ZC3H18: variants seen among roughly 807,000 people sequenced by gnomAD.
The protein encoded by ZC3H18 is zinc finger CCCH-type containing 18.
ZC3H18 carries 8 observed loss-of-function variants against 106.1 expected under a neutral mutation model. That is an observed-to-expected ratio of 0.08 (90% confidence interval 0.04 to 0.14). ZC3H18 has a LOEUF of 0.14. Ranked by LOEUF, ZC3H18 falls within the 10% of genes least tolerant of loss-of-function variation. The probability of loss-of-function intolerance (pLI) is 1.00; values close to 1 mark genes in which losing one functional copy is unlikely to be tolerated. For synonymous variants in ZC3H18, 635 were observed against 522.1 expected (o/e 1.22, Z -2.95); for missense variants, 1,318 against 1,278.4 (o/e 1.03, Z -0.47).
intron 17 of ZC3H18, 82 bp downstream of exon 17, chr16:88,630,663 G>A: frequency 8.1e-7 from 1 of 1,237,026 alleles, no homozygotes; most frequent in Non-Finnish European, 1.1e-6. Context: ...GCAGCAGCAG[G>A]GCTAGCACTG....
intron 6 of ZC3H18, among the ~76,000 whole-genome samples, chr16:88,606,894 C>T (rs1905034068): frequency 6.6e-6 from 1 of 152,168 alleles, no homozygotes; most frequent in South Asian, 2.1e-4. Context: ...GCTGGAGCCA[C>T]CTCAAGCCAT....
intron 4 of ZC3H18, 58 bp downstream of exon 4, chr16:88,598,384 T>C: frequency 6.4e-7 from 1 of 1,553,800 alleles, no homozygotes; most frequent in Non-Finnish European, 8.7e-7. Flanking sequence ...TGTGTCTGAA[T>C]CTCAAGCTTA....
chr16:88,615,224 C>T (rs1567594334), intron 8 of ZC3H18, among the ~76,000 whole-genome samples: 2 of 152,000 alleles, frequency 1.3e-5, no homozygotes, highest in South Asian at 4.2e-4. Flanking sequence ...CAGGCTGCCC[C>T]CACCTCCTCC....
At chr16:88,612,440 G>C (rs1445925650) in intron 8 of ZC3H18, among the ~76,000 whole-genome samples, 2 of 151,526 alleles carry the variant, frequency 1.3e-5, no homozygotes, top group African/African-American at 4.9e-5. Flanking sequence ...GAGGCAGGTG[G>C]ATTGCTTGAA....
chr16:88,573,831 G>T (rs186037775), intron 1 of ZC3H18, among the ~76,000 whole-genome samples: 1 of 151,924 alleles, frequency 6.6e-6, no homozygotes, highest in Non-Finnish European at 1.5e-5. Flanking sequence ...AAGTGACTTG[G>T]AATGGATTGG....
intron 6 of ZC3H18, among the ~76,000 whole-genome samples, chr16:88,601,059 C>T (rs374768661): frequency 1.3e-5 from 2 of 152,212 alleles, no homozygotes; most frequent in East Asian, 3.9e-4. Context: ...CCTGCAAGGC[C>T]CTTCTCAAGG....
chr16:88,629,201 G>A (rs1049953065), intron 16 of ZC3H18, among the ~76,000 whole-genome samples: 4 of 152,154 alleles, frequency 2.6e-5, no homozygotes, highest in Non-Finnish European at 4.4e-5. Context: ...TAGGCCGGGC[G>A]CGGTAGCTCA....
rs897617194 is a variant in ZC3H18 at position 88,630,353 on chromosome 16, C to A, written c.2567-132C>A. 4.0e-5 allele frequency: 26 copies of A among 649,320 alleles called. 1 individual carries two copies. The South Asian group carries it at 4.6e-4, about 11-fold the overall frequency. The allele number at this position is 649,320 out of a possible 1,614,324, so 40.2% of individuals were successfully genotyped here. A position where few individuals can be genotyped will look rare whatever the true frequency, so the allele number is the denominator to read the frequency against. The stretch of plus-strand genomic sequence containing the variant: ...CTACTTGGCTCTCCCCTTTTTATTT[C>A]TTTATAAAAATGAAGGTGGTGAACT... On this transcript the variant is annotated intron_variant, in intron 16 of 17. Coordinates refer to ENST00000301011, the MANE Select transcript of ZC3H18 (RefSeq NM_144604.4).
chr16:88,623,216 C>T lies in ZC3H18; in HGVS notation c.1668-3C>T, dbSNP rs1370527158. The T allele has an allele frequency of 1.9e-6, 3 of 1,612,340 alleles. No individual in the cohort carries two copies. Among genetic ancestry groups the T allele is most frequent in the East Asian group, 2.2e-5 (1 of 44,874 alleles). The stretch of plus-strand genomic sequence containing the variant: ...TCGCCACGCTCCGTCCCGCCCGCCC[C>T]AGGTCGTCTTCGCGGTCATCGTCCT... On this transcript the variant is annotated splice_region_variant and splice_polypyrimidine_tract_variant and intron_variant, in intron 9 of 17. Coordinates refer to ENST00000301011, the MANE Select transcript of ZC3H18 (RefSeq NM_144604.4).
intron 3 of ZC3H18, chr16:88,587,466 G>A (rs1224224338): frequency 8.0e-7 from 1 of 1,255,196 alleles, no homozygotes; most frequent in Non-Finnish European, 1.1e-6. Context: ...TTTGCTGTAA[G>A]CCCATAGATG....
rs148370576 is a variant in ZC3H18, at chr16:88,630,491, G to A, written c.2573G>A (p.Arg858Gln). The change falls in exon 17 of 18, where the codon CGG (arginine) becomes CAG (glutamine). Residue 858 changes from arginine (R) to glutamine (Q), a missense_variant. This residue lies in a region of ZC3H18 where 848 missense variants were observed against 821.7 expected (regional missense o/e 1.03). Coordinates refer to ENST00000301011, the MANE Select transcript of ZC3H18 (RefSeq NM_144604.4). ...RPNTSPDRGSRDRKSGGRLGS... is the reference protein window; with the variant it reads ...RPNTSPDRGSQDRKSGGRLGS... ...CTCTGTACCTATCACCCAGGTTCTC[G>A]GGACCGGAAGTCAGGTGGGAGACTG... The A allele has an allele frequency of 1.5e-3, 2,432 of 1,613,210 alleles. 4 individuals carry two copies. Among genetic ancestry groups the A allele is most frequent in the Non-Finnish European group, 1.8e-3 (2,173 of 1,179,818 alleles).
At chr16:88,611,692 C>G (rs922776190) in intron 8 of ZC3H18, among the ~76,000 whole-genome samples, 156 bp downstream of exon 8, 1 of 152,236 alleles carries the variant, frequency 6.6e-6, no homozygotes, top group Non-Finnish European at 1.5e-5. Context: ...GTTCCAAACC[C>G]AGAGCTCTCC....
At position 88,630,554 on chromosome 16, in the gene ZC3H18, C is replaced by G. The variant is rs754469474; in HGVS notation, c.2636C>G (p.Ser879Cys). The change falls in exon 17 of 18, where the codon TCC becomes TGC. Residue 879 changes from serine (S) to cysteine (C), a missense_variant. Physicochemically the swap from Ser to Cys is moderately radical, Grantham distance 112 (BLOSUM62 -1). Coordinates refer to ENST00000301011, the MANE Select transcript of ZC3H18 (RefSeq NM_144604.4). Reference sequence around the variant, plus strand: ...CCAGAGCGGCAGAGAGGCCAGAACTCCAAAGCCCCTGCAGCCCCGGCTGAC... The same window carrying G: ...CCAGAGCGGCAGAGAGGCCAGAACTGCAAAGCCCCTGCAGCCCCGGCTGAC... ...PKPERQRGQN[S>C]KAPAAPADRK... is the part of the protein sequence containing the mutation. 6.2e-7 allele frequency: 1 copy of G among 1,611,222 alleles called. No homozygotes were observed.
intron 2 of ZC3H18, among the ~76,000 whole-genome samples, chr16:88,580,156 CTGTGTGTGTGTGTGTGTGTGTG>C (rs56406234): frequency 7.9e-6 from 1 of 126,844 alleles, no homozygotes; most frequent in Non-Finnish European, 1.6e-5. Flanking sequence ...ACAGGTTCAT[CTGTGTGTGTGTGTGTGTGTGTG>C]TGTGTGTGTG....
chr16:88,620,748 A>G (rs1040204914), intron 8 of ZC3H18, among the ~76,000 whole-genome samples: 1 of 152,122 alleles, frequency 6.6e-6, no homozygotes, highest in African/African-American at 2.4e-5. Context: ...CCCACCAAGA[A>G]CCTGTAAAAT....
intron 2 of ZC3H18, among the ~76,000 whole-genome samples, chr16:88,578,118 C>T (rs541032756): frequency 4.8e-4 from 73 of 152,338 alleles, no homozygotes; most frequent in Non-Finnish European, 8.2e-4. Flanking sequence ...CGTGGGTTTC[C>T]ACTCTTGTCA....
At chr16:88,621,285 C>T (rs1246204775) in intron 8 of ZC3H18, among the ~76,000 whole-genome samples, 4 of 150,858 alleles carry the variant, frequency 2.7e-5, no homozygotes, top group African/African-American at 4.9e-5. Context: ...AGTGCAATGG[C>T]GCGATCTCGG....
intron 2 of ZC3H18, among the ~76,000 whole-genome samples, chr16:88,585,866 G>A (rs1408897238): frequency 1.3e-5 from 2 of 152,120 alleles, no homozygotes; most frequent in Non-Finnish European, 2.9e-5. Context: ...CCGGGATCAG[G>A]CTGACGAGTA....
At chr16:88,584,807 T>G (rs918835553) in intron 2 of ZC3H18, among the ~76,000 whole-genome samples, 5 of 152,228 alleles carry the variant, frequency 3.3e-5, no homozygotes, top group Non-Finnish European at 7.3e-5. Flanking sequence ...TGGTTACATC[T>G]TTGCAGAAAC....
Sources: gnomAD v4.1 joint callset for allele counts (sites outside exome capture counted in the v4.1 genomes callset) on GRCh38, gnomAD v4.1.1 for gene constraint, gnomAD v4.1.1 regional missense constraint, MANE v1.5 for transcripts, NCBI Gene and HGNC (gene_info 2026-07-23, HGNC 2026-07-21) for gene names.